RFX2: variants seen among roughly 807,000 people sequenced by gnomAD.
RFX2 encodes regulatory factor X2, also known as DNA-binding protein RFX2.
Under a neutral mutation model 87.8 loss-of-function variants are expected in RFX2, and 20 were observed. That is an observed-to-expected ratio of 0.23 (90% confidence interval 0.16 to 0.33). The LOEUF (loss-of-function observed/expected upper bound fraction) is 0.33. Among genes scored for constraint, RFX2 ranks in the 10% least tolerant of loss-of-function variants. RFX2 has a pLI of 1.00. For synonymous variants in RFX2, 397 were observed against 431.3 expected (o/e 0.92, Z 0.98); for missense variants, 767 against 1,012.3 (o/e 0.76, Z 3.29).
chr19:6,084,643 C>CTTTTTTTTTTTTTTTT lies in RFX2; in HGVS notation c.-9+25749_-9+25750insAAAAAAAAAAAAAAAA, dbSNP rs57501118. On this transcript the variant is annotated intron_variant, in intron 1 of 17. Coordinates refer to ENST00000303657, the MANE Select transcript of RFX2 (RefSeq NM_000635.4). The stretch of plus-strand genomic sequence containing the variant: ...TGTCCTTTTTTTTCTTTCTTTCTTT[C>CTTTTTTTTTTTTTTTT]TTTTTTTTGAGACAGAATCTCGCTC... Among the ~76,000 whole-genome samples the CTTTTTTTTTTTTTTTT allele has an allele frequency of 3.4e-5, 5 of 145,366 alleles. 1 individual carries two copies. The highest frequency in any genetic ancestry group is 1.4e-4 in the African/African-American group (5 of 36,700).
intron 5 of RFX2, among the ~76,000 whole-genome samples, chr19:6,029,520 C>A (rs1322573658): frequency 1.3e-5 from 2 of 152,080 alleles, no homozygotes; most frequent in African/African-American, 4.8e-5. Flanking sequence ...ACCAGCCTGG[C>A]CAACATGGTG....
At chr19:6,080,618 C>T (rs149050979) in intron 1 of RFX2, among the ~76,000 whole-genome samples, 71 of 152,150 alleles carry the variant, frequency 4.7e-4, no homozygotes, top group Non-Finnish European at 9.1e-4. Context: ...TGGGACCTGA[C>T]AGCTGCAAAG....
rs2087654971 is a variant in RFX2 at position 6,074,353 on chromosome 19, G to A, written c.-8-26849C>T. Among the ~76,000 whole-genome samples the A allele has an allele frequency of 6.6e-6, 1 of 152,178 alleles. No individual in the cohort carries two copies. Among genetic ancestry groups the A allele is most frequent in the Non-Finnish European group, 1.5e-5 (1 of 68,030 alleles). The stretch of plus-strand genomic sequence containing the variant: ...TCAAGTCAACGAGAAGAGAAGGTGG[G>A]CTAGAACCTTTCCACCTTCCTCTTA... On this transcript the variant is annotated intron_variant, in intron 1 of 17. Transcript: ENST00000303657. The surrounding 1 kb of genome is among the most constrained non-coding windows in gnomAD (Gnocchi z 5.2).
In RFX2 at chr19:6,074,908, A is replaced by C. The variant is rs1184575025; in HGVS notation, c.-8-27404T>G. On this transcript the variant is annotated intron_variant, in intron 1 of 17. Transcript: ENST00000303657. The surrounding 1 kb of genome is among the most constrained non-coding windows in gnomAD (Gnocchi z 5.2). ...GGGGGTTGAATGTTGTGTCCCCTTA[A>C]ATTCCTATGCTGAACTCCTCACCCC... is the stretch of plus-strand genomic sequence containing the variant. Among the ~76,000 whole-genome samples, 2 of 152,006 alleles carry C rather than the reference A, an allele frequency of 1.3e-5. No homozygotes were observed. Among genetic ancestry groups the C allele is most frequent in the Non-Finnish European group, 2.9e-5 (2 of 67,974 alleles).
intron 1 of RFX2, among the ~76,000 whole-genome samples, chr19:6,086,845 C>T (rs1317565694): frequency 6.6e-6 from 1 of 152,150 alleles, no homozygotes; most frequent in Non-Finnish European, 1.5e-5. Flanking sequence ...GGCACCTCTG[C>T]CTTTTCTGTT....
At chr19:6,091,494 A>T (rs2087934863) in intron 1 of RFX2, among the ~76,000 whole-genome samples, 1 of 152,164 alleles carries the variant, frequency 6.6e-6, no homozygotes, top group Non-Finnish European at 1.5e-5. Flanking sequence ...ATCACAATTG[A>T]AAAAAGAAGA....
rs1212373381 is a variant in RFX2, at chr19:6,026,414, T to C, written c.523-177A>G. The C allele has an allele frequency of 3.2e-6, 2 of 620,252 alleles. No individual in the cohort carries two copies. The highest frequency in any genetic ancestry group is 5.7e-6 in the Non-Finnish European group (2 of 353,960). 38.4% of individuals were successfully genotyped at this position (620,252 alleles called of 1,614,324 possible). A position where few individuals can be genotyped will look rare whatever the true frequency, so the allele number is the denominator to read the frequency against. On this transcript the variant is annotated intron_variant, in intron 5 of 17. Transcript: ENST00000303657. This position sits in a 1 kb window ranked among gnomAD's most constrained non-coding sequence, Gnocchi z 4.5. ...GGGCGGGGGTGAGTTAAATTGTGCATGAAAGCTGCGGTAGGGAGTGTTGCT... is the reference window on the plus strand; with the variant it reads ...GGGCGGGGGTGAGTTAAATTGTGCACGAAAGCTGCGGTAGGGAGTGTTGCT...
At chr19:5,995,004 G>C in intron 17 of RFX2, 54 bp from the exon 18 acceptor site, 2 of 1,396,562 alleles carry the variant, frequency 1.4e-6, no homozygotes, top group Non-Finnish European at 2.0e-6. Context: ...ACGAGAGGGA[G>C]AGAAGGAAGT....
chr19:5,995,608 G>A lies in RFX2; in HGVS notation c.2049C>T (p.Leu683=), dbSNP rs1187712162. ...NDLASLSLTL[L]DKDDMGDEQR... is the part of the protein sequence containing the mutation. ...AGCCGCAGACGCACCTACCTTTGTC[G>A]AGCAGCGTCAGCGACAGAGAGGCGA... The change falls in exon 17 of 18, where the codon CTC becomes CTT. Residue 683 remains leucine (L), a synonymous_variant. Transcript: ENST00000303657. The A allele has an allele frequency of 5.2e-6, 8 of 1,552,370 alleles. No individual in the cohort carries two copies. Among genetic ancestry groups the A allele is most frequent in the Admixed American group, 3.9e-5 (2 of 51,106 alleles).
rs1303067706 is a variant in RFX2 at position 5,994,786 on chromosome 19, T to C, written c.*49A>G. ...GCCGGTGAAATCCAGGTTCCCAGAG[T>C]GACCAGGCGGCATCTTTTGGAACCT... On this transcript the variant is annotated 3_prime_UTR_variant, in exon 18 of 18. Transcript: ENST00000303657. 1 of 1,236,054 alleles carries C rather than the reference T, an allele frequency of 8.1e-7. No homozygotes were observed. The allele number at this position is 1,236,054 out of a possible 1,614,324, so 76.6% of individuals were successfully genotyped here.
Position 6,002,623 on chromosome 19 carries a change from C to A in RFX2, c.1650+98G>T. Reference sequence around the variant, plus strand: ...AACAGAACCGTGGCCAGGCTCGGGGCAGGGGCCAGGTTGTGCCACGGGCTC... The same window carrying A: ...AACAGAACCGTGGCCAGGCTCGGGGAAGGGGCCAGGTTGTGCCACGGGCTC... On this transcript the variant is annotated intron_variant, in intron 14 of 17. Coordinates refer to ENST00000303657, the MANE Select transcript of RFX2 (RefSeq NM_000635.4). The surrounding 1 kb of genome is among the most constrained non-coding windows in gnomAD (Gnocchi z 6.7). 1 of 1,464,856 alleles carries A rather than the reference C, an allele frequency of 6.8e-7. No homozygotes were observed. The highest frequency in any genetic ancestry group is 1.2e-5 in the South Asian group (1 of 80,742). The allele number at this position is 1,464,856 out of a possible 1,614,324, so 90.7% of individuals were successfully genotyped here. A position where few individuals can be genotyped will look rare whatever the true frequency, so the allele number is the denominator to read the frequency against.
rs1352265868 is a variant in RFX2, at chr19:6,013,374, C to T, written c.780-269G>A. On this transcript the variant is annotated intron_variant, in intron 7 of 17. Coordinates refer to ENST00000303657, the MANE Select transcript of RFX2 (RefSeq NM_000635.4). The surrounding 1 kb of genome is among the most constrained non-coding windows in gnomAD (Gnocchi z 4.1). Reference sequence around the variant, plus strand: ...CTTATTTTTGTATTTTTAGTGGAGACGGGGTTTTGCCATGTTGGCCAGGCT... The same window carrying T: ...CTTATTTTTGTATTTTTAGTGGAGATGGGGTTTTGCCATGTTGGCCAGGCT... Among the ~76,000 whole-genome samples, 6 of 151,616 alleles carry T rather than the reference C, an allele frequency of 4.0e-5. No homozygotes were observed. The highest frequency in any genetic ancestry group is 6.6e-5 in the Admixed American group (1 of 15,228).
chr19:6,062,185 A>C (rs573462058), intron 1 of RFX2, among the ~76,000 whole-genome samples: 98 of 152,316 alleles, frequency 6.4e-4, no homozygotes, highest in Middle Eastern at 3.4e-3. Context: ...GTAACAAAAC[A>C]AAACAATGAA....
intron 1 of RFX2, among the ~76,000 whole-genome samples, chr19:6,055,082 C>G (rs2087316536): frequency 6.6e-6 from 1 of 152,034 alleles, no homozygotes; most frequent in Admixed American, 6.6e-5. Context: ...TATACAGATG[C>G]CCAAAAGTAC....
intron 9 of RFX2, among the ~76,000 whole-genome samples, chr19:6,009,266 T>C (rs997420413): frequency 2.6e-5 from 4 of 152,116 alleles, no homozygotes; most frequent in African/African-American, 9.7e-5. Context: ...ATAAACGACA[T>C]GGAAGCCACT....
chr19:6,077,614 C>G (rs992588133), intron 1 of RFX2, among the ~76,000 whole-genome samples: 1 of 152,198 alleles, frequency 6.6e-6, no homozygotes, highest in Non-Finnish European at 1.5e-5. Flanking sequence ...TGCTTGGATA[C>G]CAATGTTCAC....
rs939121334 is a variant in RFX2 at position 5,998,823 on chromosome 19, C to G, written c.1860-1610G>C. On this transcript the variant is annotated intron_variant, in intron 15 of 17. Transcript: ENST00000303657. The surrounding 1 kb of genome is among the most constrained non-coding windows in gnomAD (Gnocchi z 4.2). Reference sequence around the variant, plus strand: ...GAGAGTAGGAGCATCGGCCGACCACCACCAAGGGAGGCCCAGCCAGAGCTT... The same window carrying G: ...GAGAGTAGGAGCATCGGCCGACCACGACCAAGGGAGGCCCAGCCAGAGCTT... Among the ~76,000 whole-genome samples, 2 of 152,238 alleles carry G rather than the reference C, an allele frequency of 1.3e-5. No individual in the cohort carries two copies. Among genetic ancestry groups the G allele is most frequent in the Non-Finnish European group, 2.9e-5 (2 of 68,036 alleles).
In RFX2 at chr19:5,997,008, C is replaced by G. The variant is rs2086421703; in HGVS notation, c.2013+52G>C. 29 of 1,563,202 alleles carry G rather than the reference C, an allele frequency of 1.9e-5. No individual in the cohort carries two copies. The highest frequency in any genetic ancestry group is 2.5e-5 in the Non-Finnish European group (29 of 1,157,306). On this transcript the variant is annotated intron_variant, in intron 16 of 17. Coordinates refer to ENST00000303657, the MANE Select transcript of RFX2 (RefSeq NM_000635.4). This position sits in a 1 kb window ranked among gnomAD's most constrained non-coding sequence, Gnocchi z 4.2. ...TGGGCTGCTCAGAGCACACCGCCCT[C>G]TCCCCACAGGCCCGGCCAAGCCCCG...
intron 9 of RFX2, among the ~76,000 whole-genome samples, chr19:6,008,626 C>T (rs1243285404): frequency 2.6e-5 from 4 of 151,066 alleles, no homozygotes; most frequent in African/African-American, 4.9e-5. Context: ...CTGCCCACCT[C>T]GGCCTCCCAG....
Sources: allele counts gnomAD v4.1 joint callset (sites outside exome capture counted in the v4.1 genomes callset), GRCh38; gene constraint gnomAD v4.1.1; non-coding constraint Gnocchi (gnomAD v3.1); transcripts MANE v1.5; gene names NCBI Gene and HGNC (gene_info 2026-07-23, HGNC 2026-07-21).